ARID3A: variants seen among roughly 807,000 people sequenced by gnomAD.
ARID3A encodes AT-rich interactive domain-containing protein 3A.
A neutral mutation model predicts 52.7 loss-of-function variants in ARID3A; 11 were observed. The observed-to-expected ratio is 0.21, with a 90% CI of 0.13 to 0.35. The LOEUF (loss-of-function observed/expected upper bound fraction) is 0.35, where lower values mean the gene tolerates loss of function less well. ARID3A is among the 10% of genes least tolerant of loss of function. ARID3A has a pLI of 1.00. For synonymous variants in ARID3A, 404 were observed against 359.4 expected (o/e 1.12, Z -1.40); for missense variants, 721 against 838.5 (o/e 0.86, Z 1.73).
chr19:968,797 C>G, intron 8 of ARID3A: 1 of 254,806 alleles, frequency 3.9e-6, no homozygotes, highest in Non-Finnish European at 7.5e-6. Flanking sequence ...CACAGACATG[C>G]ACCAGCACAC....
rs1168863904 is a variant in ARID3A at position 966,557 on chromosome 19, T to A, written c.1199-15T>A. 2.0e-6 allele frequency: 3 copies of A among 1,509,708 alleles called. No individual in the cohort carries two copies. The allele number at this position is 1,509,708 out of a possible 1,614,324, so 93.5% of individuals were successfully genotyped here. On this transcript the variant is annotated splice_polypyrimidine_tract_variant and intron_variant, in intron 6 of 8. Coordinates refer to ENST00000263620, the MANE Select transcript of ARID3A (RefSeq NM_005224.3). Reference sequence around the variant, plus strand: ...AGCCCCTCCTGGCCACCAATTCCCCTTTTTTCCTACCTAGAGGAGGACTCA... The same window carrying A: ...AGCCCCTCCTGGCCACCAATTCCCCATTTTTCCTACCTAGAGGAGGACTCA...
At position 966,949 on chromosome 19, in the gene ARID3A, G is replaced by A. The variant is rs1272486546; in HGVS notation, c.1495+81G>A. On this transcript the variant is annotated intron_variant, in intron 7 of 8. Transcript: ENST00000263620. Reference sequence around the variant, plus strand: ...GCCTTGGAGCCTACATATGTAAAGAGTGCCAACAAATCAATAAGAAAAAAA... The same window carrying A: ...GCCTTGGAGCCTACATATGTAAAGAATGCCAACAAATCAATAAGAAAAAAA... 13 of 1,430,952 alleles carry A rather than the reference G, an allele frequency of 9.1e-6. No individual in the cohort carries two copies. In the East Asian group the frequency reaches 3.1e-4, roughly 34 times the overall value. 88.6% of individuals were successfully genotyped at this position (1,430,952 alleles called of 1,614,324 possible). A position where few individuals can be genotyped will look rare whatever the true frequency, so the allele number is the denominator to read the frequency against.
chr19:929,521 G>C lies in ARID3A; in HGVS notation c.-8G>C, dbSNP rs1358699332. The C allele has an allele frequency of 6.9e-7, 1 of 1,448,266 alleles. No individual in the cohort carries two copies. The highest frequency in any genetic ancestry group is 9.1e-7 in the Non-Finnish European group (1 of 1,095,450). The allele number at this position is 1,448,266 out of a possible 1,614,324, so 89.7% of individuals were successfully genotyped here. On this transcript the variant is annotated 5_prime_UTR_variant, in exon 2 of 9. Coordinates refer to ENST00000263620, the MANE Select transcript of ARID3A (RefSeq NM_005224.3). The surrounding 1 kb of genome is among the most constrained non-coding windows in gnomAD (Gnocchi z 6.2). ...GGTGGTGGTGGTGGTGGCCCGGGCC[G>C]CAGGGCCATGAAACTACAGGCCGTG...
At position 929,497 on chromosome 19, in the gene ARID3A, G is replaced by A; in HGVS notation, c.-32G>A. On this transcript the variant is annotated 5_prime_UTR_variant, in exon 2 of 9. In the 5' UTR this introduces an upstream ATG that the reference lacks. Transcript: ENST00000263620. This position sits in a 1 kb window ranked among gnomAD's most constrained non-coding sequence, Gnocchi z 6.2. ...CCTAGCGCCCGTGGTGGTGGTGGTG[G>A]TGGTGGTGGTGGTGGCCCGGGCCGC... 1.3e-6 allele frequency: 2 copies of A among 1,499,636 alleles called. No individual in the cohort carries two copies. The highest frequency in any genetic ancestry group is 1.8e-6 in the Non-Finnish European group (2 of 1,131,076). The allele number at this position is 1,499,636 out of a possible 1,614,324, so 92.9% of individuals were successfully genotyped here. A position where few individuals can be genotyped will look rare whatever the true frequency, so the allele number is the denominator to read the frequency against.
In ARID3A at chr19:938,338, A is replaced by G. The variant is rs1203923757; in HGVS notation, c.693+5596A>G. 1.3e-5 allele frequency among the ~76,000 whole-genome samples: 2 copies of G among 152,236 alleles called. No homozygotes were observed. The highest frequency in any genetic ancestry group is 2.9e-5 in the Non-Finnish European group (2 of 68,054). On this transcript the variant is annotated intron_variant, in intron 3 of 8. Coordinates refer to ENST00000263620, the MANE Select transcript of ARID3A (RefSeq NM_005224.3). The surrounding 1 kb of genome is among the most constrained non-coding windows in gnomAD (Gnocchi z 4.0). Reference sequence around the variant, plus strand: ...TATCTGTTGCTTCACTGCGTGAAGAAAGTGACTGAGTGTTTTAGATGGGTC... The same window carrying G: ...TATCTGTTGCTTCACTGCGTGAAGAGAGTGACTGAGTGTTTTAGATGGGTC...
In ARID3A at chr19:971,949, G is replaced by GGCGGCA. The variant is rs1555732475; in HGVS notation, c.1668_1669insGGCAGC (p.Gly556_Ser557insGlySer). The GGCGGCA allele has an allele frequency of 8.9e-6, 14 of 1,580,878 alleles. No individual in the cohort carries two copies. In the African/African-American group the frequency reaches 1.4e-4, roughly 16 times the overall value. On this transcript the variant is annotated inframe_insertion, in exon 9 of 9. Transcript: ENST00000263620. ...CAACAAAGGAGGCGGCGGCGGCGGC[G>GGCGGCA]GCAGCAGCAGCAACGCAGGCGGCCG... is the stretch of plus-strand genomic sequence containing the variant.
rs950307104 is a variant in ARID3A, at chr19:944,738, G to A, written c.693+11996G>A. ...CCTCCCGGGCTCCGGTGATCTTCCC[G>A]TGTCAGCCTCCTGAGTAGCTGGGAC... On this transcript the variant is annotated intron_variant, in intron 3 of 8. Transcript: ENST00000263620. The surrounding 1 kb of genome is among the most constrained non-coding windows in gnomAD (Gnocchi z 5.9). 1.3e-5 allele frequency among the ~76,000 whole-genome samples: 2 copies of A among 152,146 alleles called. No homozygotes were observed. Among genetic ancestry groups the A allele is most frequent in the South Asian group, 2.1e-4 (1 of 4,826 alleles).
At chr19:931,745 G>A (rs1312541162) in intron 2 of ARID3A, among the ~76,000 whole-genome samples, 12 of 150,460 alleles carry the variant, frequency 8.0e-5, no homozygotes, top group South Asian at 2.1e-4. Context: ...CCCGGGAGGC[G>A]GAGCTTGCAG....
rs2038284407 is a variant in ARID3A, at chr19:971,946, GGCGGCA to G, written c.1666_1671del (p.Gly556_Ser557del). 1.3e-6 allele frequency: 2 copies of G among 1,599,942 alleles called. No homozygotes were observed. The highest frequency in any genetic ancestry group is 1.7e-6 in the Non-Finnish European group (2 of 1,174,256). ...TCCCAACAAAGGAGGCGGCGGCGGC[GGCGGCA>G]GCAGCAGCAACGCAGGCGGCCGGGG... On this transcript the variant is annotated inframe_deletion, in exon 9 of 9. Transcript: ENST00000263620.
intron 3 of ARID3A, among the ~76,000 whole-genome samples, chr19:933,594 G>A (rs1308408951): frequency 6.6e-6 from 1 of 152,158 alleles, no homozygotes; most frequent in Non-Finnish European, 1.5e-5. Flanking sequence ...GCCTGCCTCG[G>A]GGCAGCCCCT....
At chr19:958,570 C>T (rs1268083485) in intron 3 of ARID3A, among the ~76,000 whole-genome samples, 1 of 152,156 alleles carries the variant, frequency 6.6e-6, no homozygotes, top group Non-Finnish European at 1.5e-5. Context: ...TTTGGTCAAC[C>T]TCAGACCGCA....
chr19:948,512 G>A (rs1052696765), intron 3 of ARID3A, among the ~76,000 whole-genome samples: 2 of 151,966 alleles, frequency 1.3e-5, no homozygotes, highest in Non-Finnish European at 2.9e-5. Flanking sequence ...ACTGAGGCCC[G>A]GAGAATGGGC....
At position 929,772 on chromosome 19, in the gene ARID3A, G is replaced by A. The variant is rs1356411784; in HGVS notation, c.244G>A (p.Glu82Lys). 2 of 1,552,846 alleles carry A rather than the reference G, an allele frequency of 1.3e-6. No individual in the cohort carries two copies. Among genetic ancestry groups the A allele is most frequent in the Non-Finnish European group, 1.7e-6 (2 of 1,154,258 alleles). Reference sequence around the variant, plus strand: ...ACACCCAGCCAGCCCCGGCGGCTCTGAGGATGGGCCCCCAGGCTCGGAGGA... The same window carrying A: ...ACACCCAGCCAGCCCCGGCGGCTCTAAGGATGGGCCCCCAGGCTCGGAGGA... ...LGHPASPGGS[E>K]DGPPGSEEED... is the part of the protein sequence containing the mutation. Residue 82 changes from glutamate (E) to lysine (K), a missense_variant, in exon 2 of 9, where the codon GAG (glutamate) becomes AAG (lysine). Around this residue, in one of 5 missense-constraint regions of ARID3A, gnomAD observed 349 missense variants for 297.3 expected, o/e 1.17. Coordinates refer to ENST00000263620, the MANE Select transcript of ARID3A (RefSeq NM_005224.3). The surrounding 1 kb of genome is among the most constrained non-coding windows in gnomAD (Gnocchi z 6.2).
rs574924419 is a variant in ARID3A, at chr19:957,495, A to G, written c.694-2597A>G. On this transcript the variant is annotated intron_variant, in intron 3 of 8. Coordinates refer to ENST00000263620, the MANE Select transcript of ARID3A (RefSeq NM_005224.3). ...GGGAGGCATGCTGGTGAATTTTTGC[A>G]GCGATTTGCTGTGTGAACTCAGGCA... 2.0e-5 allele frequency among the ~76,000 whole-genome samples: 3 copies of G among 152,328 alleles called. No individual in the cohort carries two copies. The South Asian group carries it at 6.2e-4, about 32-fold the overall frequency.
rs1470829610 is a variant in ARID3A, at chr19:944,999, G to A, written c.693+12257G>A. Among the ~76,000 whole-genome samples the A allele has an allele frequency of 2.0e-5, 3 of 152,078 alleles. No individual in the cohort carries two copies. The highest frequency in any genetic ancestry group is 3.9e-4 in the East Asian group (2 of 5,158). On this transcript the variant is annotated intron_variant, in intron 3 of 8. Coordinates refer to ENST00000263620, the MANE Select transcript of ARID3A (RefSeq NM_005224.3). This position sits in a 1 kb window ranked among gnomAD's most constrained non-coding sequence, Gnocchi z 5.9. ...ATTCTTCCCTGACGGCCATTTTTCCGGGAGTGGCTGGGCGTCTCTGCCCTA... is the reference window on the plus strand; with the variant it reads ...ATTCTTCCCTGACGGCCATTTTTCCAGGAGTGGCTGGGCGTCTCTGCCCTA...
intron 3 of ARID3A, among the ~76,000 whole-genome samples, 167 bp downstream of exon 3, chr19:932,909 C>G (rs190913159): frequency 6.0e-4 from 91 of 152,236 alleles, no homozygotes; most frequent in African/African-American, 2.0e-3. Flanking sequence ...GGCGTGGGCT[C>G]GACCAGCTGG....
Position 942,650 on chromosome 19 carries a change from C to T in ARID3A, c.693+9908C>T, listed in dbSNP as rs1015295158. Among the ~76,000 whole-genome samples, 21 of 152,122 alleles carry T rather than the reference C, an allele frequency of 1.4e-4. No individual in the cohort carries two copies. The highest frequency in any genetic ancestry group is 4.8e-4 in the African/African-American group (20 of 41,426). ...GGGTGGGCAGGGAGTAGGTGGAGGC[C>T]GCCCCTCCCACTGCCCCGCAGGCCC... is the stretch of plus-strand genomic sequence containing the variant. On this transcript the variant is annotated intron_variant, in intron 3 of 8. Coordinates refer to ENST00000263620, the MANE Select transcript of ARID3A (RefSeq NM_005224.3). The surrounding 1 kb of genome is among the most constrained non-coding windows in gnomAD (Gnocchi z 8.1).
intron 4 of ARID3A, among the ~76,000 whole-genome samples, chr19:963,809 A>G (rs1462804583): frequency 6.6e-6 from 1 of 152,190 alleles, no homozygotes; most frequent in African/African-American, 2.4e-5. Flanking sequence ...AAATTGGGTA[A>G]GCCAGGCTTT....
rs917565579 is a variant in ARID3A at position 944,030 on chromosome 19, G to A, written c.693+11288G>A. 3.2e-4 allele frequency among the ~76,000 whole-genome samples: 44 copies of A among 139,594 alleles called. No individual in the cohort carries two copies. The highest frequency in any genetic ancestry group is 7.2e-5 in the Admixed American group (1 of 13,986). The allele number at this position is 139,594 out of a possible 152,430, so 91.6% of individuals were successfully genotyped here. ...CTTATGGGGCACCTGTTGTATGCCA[G>A]CCTGACCCTCTCATGGGCACTTACG... On this transcript the variant is annotated intron_variant, in intron 3 of 8. Coordinates refer to ENST00000263620, the MANE Select transcript of ARID3A (RefSeq NM_005224.3). The surrounding 1 kb of genome is among the most constrained non-coding windows in gnomAD (Gnocchi z 5.9).
Sources: gnomAD v4.1 joint callset for allele counts (sites outside exome capture counted in the v4.1 genomes callset) on GRCh38, gnomAD v4.1.1 for gene constraint, gnomAD v4.1.1 regional missense constraint, Gnocchi (gnomAD v3.1) non-coding constraint, MANE v1.5 for transcripts, NCBI Gene and HGNC (gene_info 2026-07-23, HGNC 2026-07-21) for gene names.